Variants in ACAP2 observed in about 807,000 individuals in gnomAD.
ACAP2 encodes the protein ArfGAP with coiled-coil, ankyrin repeat and PH domains 2, also known as arf-GAP with coiled-coil, ANK repeat and PH domain-containing protein 2.
In ACAP2, 39 loss-of-function variants were observed where a neutral mutation model predicts 115.8. That is an observed-to-expected ratio of 0.34 (90% confidence interval 0.26 to 0.44). ACAP2 has a LOEUF of 0.44. Among genes scored for constraint, ACAP2 ranks in the 20% least tolerant of loss-of-function variants. ACAP2 has a pLI of 1.00. For missense variants in ACAP2, 662 were observed against 927.6 expected (o/e 0.71, Z 3.72); for synonymous variants, 289 against 315.8 (o/e 0.92, Z 0.90).
chr3:195,293,823 G>A (rs1281016860), intron 18 of ACAP2, among the ~76,000 whole-genome samples: 1 of 151,916 alleles, frequency 6.6e-6, no homozygotes, highest in Non-Finnish European at 1.5e-5. Flanking sequence ...GGACAACAGA[G>A]CGAGACTCAA....
chr3:195,414,284 T>C (rs1286494680), intron 1 of ACAP2, among the ~76,000 whole-genome samples: 1 of 152,222 alleles, frequency 6.6e-6, no homozygotes, highest in Non-Finnish European at 1.5e-5. Flanking sequence ...ATACTTTTTA[T>C]TTTCTAAAGA....
chr3:195,289,042 G>C, intron 21 of ACAP2, 79 bp downstream of exon 21: 3 of 1,134,454 alleles, frequency 2.6e-6, no homozygotes, highest in Non-Finnish European at 3.9e-6. Context: ...CAGGGTCCTG[G>C]AACTAATTCA....
chr3:195,441,950 G>A (rs1413362128), intron 1 of ACAP2: 2 of 152,286 alleles, frequency 1.3e-5, no homozygotes, highest in African/African-American at 4.8e-5. Flanking sequence ...CAGATCCACT[G>A]GGAGCATCCG....
chr3:195,412,733 CA>C (rs1343483450), intron 1 of ACAP2: 5 of 261,848 alleles, frequency 1.9e-5, no homozygotes, highest in Non-Finnish European at 3.7e-5. Context: ...TTGAAGATAA[CA>C]AATTAAAACC....
At chr3:195,442,703 C>A (rs2108886948) in intron 1 of ACAP2, 92 bp downstream of exon 1, 3 of 1,352,584 alleles carry the variant, frequency 2.2e-6, no homozygotes, top group South Asian at 1.4e-5. Context: ...GAGCGGACGG[C>A]GGGGCCTCCT....
At chr3:195,368,357 C>G (rs1266684389) in intron 4 of ACAP2, among the ~76,000 whole-genome samples, 1 of 152,144 alleles carries the variant, frequency 6.6e-6, no homozygotes, top group Non-Finnish European at 1.5e-5. Flanking sequence ...ACCATGTTGG[C>G]CAGACTGGTC....
In ACAP2 at chr3:195,388,084, T is replaced by C. The variant is rs144531393; in HGVS notation, c.111+4006A>G. Among the ~76,000 whole-genome samples, 85 of 152,236 alleles carry C rather than the reference T, an allele frequency of 5.6e-4. 1 individual carries two copies. In the East Asian group the frequency reaches 0.015, roughly 28 times the overall value. ...GTTATGCTACCACCCAAAACTATAA[T>C]ATTATAACAGCTTAAATCAGAGTAC... On this transcript the variant is annotated intron_variant, in intron 2 of 22. Transcript: ENST00000326793.
chr3:195,361,260 C>G (rs1316749048), intron 4 of ACAP2, among the ~76,000 whole-genome samples: 1 of 151,976 alleles, frequency 6.6e-6, no homozygotes, highest in Non-Finnish European at 1.5e-5. Flanking sequence ...CATGGTGAAA[C>G]CCTGTCTCTA....
chr3:195,332,319 A>T (rs1730225889), intron 8 of ACAP2, among the ~76,000 whole-genome samples: 1 of 152,190 alleles, frequency 6.6e-6, no homozygotes. Context: ...AAATTGGAAC[A>T]ATAACTCAAT....
At chr3:195,379,042 C>T (rs1297025529) in intron 4 of ACAP2, among the ~76,000 whole-genome samples, 31 of 151,904 alleles carry the variant, frequency 2.0e-4, no homozygotes, top group Non-Finnish European at 2.9e-5. Flanking sequence ...TCTATTATGT[C>T]AATTTACAGT....
At chr3:195,433,361 T>C (rs1014663333) in intron 1 of ACAP2, among the ~76,000 whole-genome samples, 5 of 152,204 alleles carry the variant, frequency 3.3e-5, no homozygotes, top group African/African-American at 7.2e-5. Context: ...GTGGAACCCA[T>C]AGATACAAAG....
intron 3 of ACAP2, among the ~76,000 whole-genome samples, 162 bp from the exon 4 acceptor site, chr3:195,381,224 A>C (rs559371341): frequency 6.6e-6 from 1 of 152,334 alleles, no homozygotes; most frequent in Non-Finnish European, 1.5e-5. Flanking sequence ...TACACTCTGC[A>C]GAGGTCACCT....
intron 1 of ACAP2, among the ~76,000 whole-genome samples, chr3:195,428,066 A>G (rs992481481): frequency 9.2e-5 from 14 of 152,014 alleles, no homozygotes; most frequent in African/African-American, 3.1e-4. Context: ...CAAATTATCA[A>G]TAATCCAGAA....
intron 7 of ACAP2, chr3:195,336,645 T>G: frequency 3.7e-6 from 1 of 268,722 alleles, no homozygotes. Flanking sequence ...ACTGGGCATC[T>G]AGTGCATGTA....
chr3:195,316,555 G>A (rs1360257286), intron 10 of ACAP2, among the ~76,000 whole-genome samples: 1 of 151,878 alleles, frequency 6.6e-6, no homozygotes, highest in African/African-American at 2.4e-5. Context: ...GCGCCACCAC[G>A]TCCAGCTAAT....
chr3:195,357,243 G>A (rs747801846), intron 4 of ACAP2, among the ~76,000 whole-genome samples: 4 of 152,038 alleles, frequency 2.6e-5, no homozygotes, highest in African/African-American at 7.2e-5. Context: ...CCTGGGGAGA[G>A]GAAAGGGATG....
chr3:195,418,874 A>C (rs116245716), intron 1 of ACAP2, among the ~76,000 whole-genome samples: 1 of 152,232 alleles, frequency 6.6e-6, no homozygotes, highest in African/African-American at 2.4e-5. Context: ...ACTGTCCTAC[A>C]TAAGTGTTTT....
At chr3:195,300,854 G>A (rs1400322783) in intron 15 of ACAP2, among the ~76,000 whole-genome samples, 3 of 152,070 alleles carry the variant, frequency 2.0e-5, no homozygotes, top group East Asian at 1.9e-4. Flanking sequence ...ATGTCTCTAC[G>A]AAAAATACAA....
chr3:195,312,178 G>A (rs960309321), intron 10 of ACAP2, among the ~76,000 whole-genome samples: 2 of 151,888 alleles, frequency 1.3e-5, no homozygotes, highest in African/African-American at 2.4e-5. Flanking sequence ...CTGTAGAAAC[G>A]TTATCACTAG....
Sources: allele counts gnomAD v4.1 joint callset (sites outside exome capture counted in the v4.1 genomes callset), GRCh38; gene constraint gnomAD v4.1.1; transcripts MANE v1.5; gene names NCBI Gene and HGNC (gene_info 2026-07-23, HGNC 2026-07-21).